ABCA13: variants seen among roughly 807,000 people sequenced by gnomAD.
The protein encoded by ABCA13 is ATP binding cassette subfamily A member 13.
ABCA13 carries 476 observed loss-of-function variants against 478.7 expected under a neutral mutation model. That is an observed-to-expected ratio of 0.99 (90% CI 0.92 to 1.07). The LOEUF (loss-of-function observed/expected upper bound fraction) is 1.07. Ranked by LOEUF, ABCA13 falls within the 50% of genes least tolerant of loss-of-function variation. The pLI is 0.00. For synonymous variants in ABCA13, 2,252 were observed against 2,158.9 expected, an observed-to-expected ratio of 1.04 and a Z score of -1.20; for missense variants, 6,060 against 5,910.6, an observed-to-expected ratio of 1.03 and a Z score of -0.83.
chr7:48,444,272 C>G (rs1823998861), intron 42 of ABCA13, among the ~76,000 whole-genome samples: 1 of 152,166 alleles, frequency 6.6e-6, no homozygotes, highest in Non-Finnish European at 1.5e-5. Context: ...GCTCTCTCCC[C>G]TTTACAGCCA....
chr7:48,276,714 A>T (rs1170172933), intron 17 of ABCA13, 149 bp downstream of exon 17: 2 of 667,034 alleles, frequency 3.0e-6, no homozygotes, highest in African/African-American at 3.7e-5. Context: ...TAAATATTTT[A>T]TCAAAATGTC....
intron 55 of ABCA13, among the ~76,000 whole-genome samples, chr7:48,553,794 T>C (rs1361626407): frequency 2.6e-5 from 4 of 152,086 alleles, no homozygotes; most frequent in Non-Finnish European, 5.9e-5. Flanking sequence ...TCTTTTCCAG[T>C]GCAGAAGTTT....
intron 27 of ABCA13, among the ~76,000 whole-genome samples, chr7:48,325,985 T>C (rs1427895981): frequency 6.6e-6 from 1 of 152,186 alleles, no homozygotes; most frequent in Admixed American, 6.5e-5. Context: ...TCTGCAAGGC[T>C]ATAAAAGGGC....
At chr7:48,583,150 C>A (rs1788860855) in intron 56 of ABCA13, among the ~76,000 whole-genome samples, 1 of 152,138 alleles carries the variant, frequency 6.6e-6, no homozygotes, top group South Asian at 2.1e-4. Flanking sequence ...TTTGTTAATA[C>A]CTGCACATTC....
intron 42 of ABCA13, among the ~76,000 whole-genome samples, chr7:48,430,857 A>G (rs1442753590): frequency 6.6e-6 from 1 of 151,842 alleles, no homozygotes; most frequent in Non-Finnish European, 1.5e-5. Context: ...TTCAGCTCTA[A>G]TTTTTATTAT....
At chr7:48,569,438 T>C (rs80232025) in intron 55 of ABCA13, among the ~76,000 whole-genome samples, 1 of 152,226 alleles carries the variant, frequency 6.6e-6, no homozygotes, top group East Asian at 1.9e-4. Context: ...TGCTTCTGTA[T>C]TGATTTTTAA....
rs545737708 is a variant in ABCA13, at chr7:48,248,260, A to G, written c.1681A>G (p.Ile561Val). ...EDADRILQEV[I>V]TWHKNMSVLI... ...TAAGGATCGTATTTTGCAAGAGGTC[A>G]TTACTTGGCACAAAAATATGTCAGT... Residue 561 changes from isoleucine (I) to valine (V), a missense_variant, in exon 14 of 62, where the codon ATT becomes GTT. By Grantham distance (29) the Ile-to-Val change is conservative. Transcript: ENST00000435803. The G allele has an allele frequency of 3.0e-4, 488 of 1,613,634 alleles. 5 individuals are homozygous for G. The South Asian group carries it at 5.1e-3, about 17-fold the overall frequency.
chr7:48,312,191 A>G (rs1412061669), intron 24 of ABCA13, among the ~76,000 whole-genome samples: 1 of 152,206 alleles, frequency 6.6e-6, no homozygotes, highest in African/African-American at 2.4e-5. Context: ...ATGAGCAAAA[A>G]TAAGAAGCAG....
intron 1 of ABCA13, among the ~76,000 whole-genome samples, chr7:48,191,490 A>G (rs1474948728): frequency 6.6e-6 from 1 of 151,920 alleles, no homozygotes; most frequent in African/African-American, 2.4e-5. Flanking sequence ...TGCAACCTCC[A>G]CCTCCCGGGT....
At chr7:48,459,816 A>G (rs1162689553) in intron 43 of ABCA13, among the ~76,000 whole-genome samples, 2 of 152,210 alleles carry the variant, frequency 1.3e-5, no homozygotes, top group Non-Finnish European at 2.9e-5. Flanking sequence ...CAGACAAACA[A>G]ATGGAGCATA....
At chr7:48,348,494 T>G (rs1400561092) in intron 29 of ABCA13, among the ~76,000 whole-genome samples, 2 of 152,236 alleles carry the variant, frequency 1.3e-5, no homozygotes, top group Non-Finnish European at 1.5e-5. Flanking sequence ...TTGAGCTATT[T>G]TCTTCTCACT....
At chr7:48,421,276 A>C (rs903929739) in intron 41 of ABCA13, among the ~76,000 whole-genome samples, 3 of 151,432 alleles carry the variant, frequency 2.0e-5, no homozygotes, top group African/African-American at 7.3e-5. Flanking sequence ...GCATCTTCTG[A>C]TGTTCCTTGC....
chr7:48,340,991 A>T (rs1226582076), intron 29 of ABCA13, among the ~76,000 whole-genome samples: 2 of 152,104 alleles, frequency 1.3e-5, no homozygotes, highest in Admixed American at 1.3e-4. Context: ...TTATCAATTG[A>T]TTTCTTGTTC....
chr7:48,349,061 G>T (rs903936683), intron 29 of ABCA13, among the ~76,000 whole-genome samples: 5 of 152,196 alleles, frequency 3.3e-5, no homozygotes, highest in Non-Finnish European at 7.3e-5. Flanking sequence ...ACTTTAAAAT[G>T]AACATGCCAC....
chr7:48,629,120 T>C (rs1380098542), intron 59 of ABCA13, among the ~76,000 whole-genome samples: 1 of 152,170 alleles, frequency 6.6e-6, no homozygotes, highest in African/African-American at 2.4e-5. Flanking sequence ...ACAGAAACTA[T>C]CAGGTGTACG....
chr7:48,568,046 A>G (rs1017162090), intron 55 of ABCA13, among the ~76,000 whole-genome samples: 5 of 152,138 alleles, frequency 3.3e-5, no homozygotes, highest in Non-Finnish European at 5.9e-5. Flanking sequence ...TTCACATACT[A>G]TCAAACTTAT....
At chr7:48,194,420 T>C (rs1219358374) in intron 2 of ABCA13, among the ~76,000 whole-genome samples, 6 of 151,956 alleles carry the variant, frequency 3.9e-5, no homozygotes, top group African/African-American at 1.5e-4. Context: ...GAAATGATAT[T>C]GATGGTGATG....
intron 48 of ABCA13, among the ~76,000 whole-genome samples, chr7:48,495,039 C>T (rs769414075): frequency 2.6e-5 from 4 of 152,032 alleles, no homozygotes; most frequent in East Asian, 1.9e-4. Flanking sequence ...GAAAATGAAT[C>T]GAACACAAAA....
rs770193930 is a variant in ABCA13, at chr7:48,471,526, T to G, written c.12906-4T>G. The G allele has an allele frequency of 6.4e-7, 1 of 1,554,368 alleles. No homozygotes were observed. The highest frequency in any genetic ancestry group is 1.2e-5 in the South Asian group (1 of 84,318). On this transcript the variant is annotated splice_region_variant and splice_polypyrimidine_tract_variant and intron_variant, in intron 44 of 61. Coordinates refer to ENST00000435803, the MANE Select transcript of ABCA13 (RefSeq NM_152701.5). ...TCATTCCAATTCTCTCCTTTGTTTT[T>G]TAGGAAGAATTCTTCATGCTGGCGC...
Sources: gnomAD v4.1 joint callset for allele counts (sites outside exome capture counted in the v4.1 genomes callset) on GRCh38, gnomAD v4.1.1 for gene constraint, MANE v1.5 for transcripts, NCBI Gene and HGNC (gene_info 2026-07-23, HGNC 2026-07-21) for gene names.